The following HTRA3 variants were observed in gnomAD, a reference collection of about 807,000 sequenced individuals.
HTRA3 encodes the protein serine protease HTRA3.
In HTRA3, 41 loss-of-function variants were observed where a neutral mutation model predicts 43.2. The ratio of observed to expected loss-of-function variants is 0.95; its 90% CI spans 0.74 to 1.23. The LOEUF (loss-of-function observed/expected upper bound fraction) is 1.23. Among genes scored for constraint, HTRA3 ranks in the 50% most tolerant of loss-of-function variants. The pLI is 0.00. For missense variants in HTRA3, 628 were observed against 647.1 expected (o/e 0.97, Z 0.32); for synonymous variants, 295 against 287.9 (o/e 1.02, Z -0.25).
intron 3 of HTRA3, among the ~76,000 whole-genome samples, chr4:8,289,072 T>A (rs546827688): frequency 6.6e-6 from 1 of 151,820 alleles, no homozygotes; most frequent in South Asian, 2.1e-4. Flanking sequence ...ACCTTGGCCT[T>A]CCATATAGCT....
At position 8,305,996 on chromosome 4, in the gene HTRA3, A is replaced by G; in HGVS notation, c.1222A>G (p.Ile408Val). 6.2e-7 allele frequency: 1 copy of G among 1,611,668 alleles called. No individual in the cohort carries two copies. The highest frequency in any genetic ancestry group is 1.3e-5 in the African/African-American group (1 of 74,302). Residue 408 changes from isoleucine (I) to valine (V), a missense_variant, in exon 9 of 9, where the codon ATC (isoleucine) becomes GTC (valine). Coordinates refer to ENST00000307358, the MANE Select transcript of HTRA3 (RefSeq NM_053044.5). ...QRGGIQDGDI[I>V]VKVNGRPLVD... Reference sequence around the variant, plus strand: ...AGGCGGCATCCAAGATGGTGACATCATCGTCAAGGTCAACGGGCGTCCTCT... The same window carrying G: ...AGGCGGCATCCAAGATGGTGACATCGTCGTCAAGGTCAACGGGCGTCCTCT...
Position 8,270,103 on chromosome 4 carries a change from C to G in HTRA3, c.135C>G (p.Pro45=), listed in dbSNP as rs779264866. The change falls in exon 1 of 9, where the codon CCC becomes CCG. Residue 45 remains proline (P), a synonymous_variant. Coordinates refer to ENST00000307358, the MANE Select transcript of HTRA3 (RefSeq NM_053044.5). Reference sequence around the variant, plus strand: ...CCCGCTGCCCCGGCGGCTACGTGCCCGACCTCTGCAACTGCTGCCTGGTGT... The same window carrying G: ...CCCGCTGCCCCGGCGGCTACGTGCCGGACCTCTGCAACTGCTGCCTGGTGT... ...PSPRCPGGYV[P]DLCNCCLVCA... The G allele has an allele frequency of 1.9e-6, 3 of 1,540,194 alleles. No individual in the cohort carries two copies. Among genetic ancestry groups the G allele is most frequent in the South Asian group, 2.4e-5 (2 of 85,036 alleles).
At chr4:8,284,730 G>T (rs1213268826) in intron 2 of HTRA3, among the ~76,000 whole-genome samples, 1 of 152,196 alleles carries the variant, frequency 6.6e-6, no homozygotes, top group African/African-American at 2.4e-5. Flanking sequence ...GTGGCCAAGT[G>T]GCCAGATGCC....
chr4:8,293,896 C>T (rs957032074), intron 5 of HTRA3, among the ~76,000 whole-genome samples, 191 bp from the exon 6 acceptor site: 1 of 151,934 alleles, frequency 6.6e-6, no homozygotes, highest in Non-Finnish European at 1.5e-5. Context: ...GGGGGATCTC[C>T]AGGATTTGGA....
intron 6 of HTRA3, 101 bp from the exon 7 acceptor site, chr4:8,302,362 C>T: frequency 9.2e-7 from 1 of 1,083,116 alleles, no homozygotes. Flanking sequence ...CTGCTGCTTC[C>T]TGGTCCTGCA....
chr4:8,289,997 G>A (rs189493030), intron 3 of HTRA3, among the ~76,000 whole-genome samples: 5 of 151,666 alleles, frequency 3.3e-5, no homozygotes, highest in African/African-American at 1.2e-4. Context: ...CAGGGAGGAC[G>A]GGCTGACCCT....
chr4:8,280,051 G>A (rs936289124), intron 1 of HTRA3, among the ~76,000 whole-genome samples: 19 of 152,216 alleles, frequency 1.2e-4, no homozygotes, highest in East Asian at 1.9e-4. Context: ...GATTAGGGCC[G>A]GGCCCAGGAC....
At chr4:8,282,114 G>T (rs28579641) in intron 1 of HTRA3, among the ~76,000 whole-genome samples, 2,976 of 152,278 alleles carry the variant, frequency 0.02, 86 homozygotes, top group African/African-American at 0.068. Flanking sequence ...CCTCACTCCC[G>T]TGTGGCTCAC....
chr4:8,296,576 C>T lies in HTRA3; in HGVS notation c.1051+2375C>T. On this transcript the variant is annotated intron_variant, in intron 6 of 8. Transcript: ENST00000307358. This position sits in a 1 kb window ranked among gnomAD's most constrained non-coding sequence, Gnocchi z 5.3. Reference sequence around the variant, plus strand: ...TCGTCTGGAGGTGGGGTGCAGAGGCCTCTGAGGGGCTTTCAGGGTAAAGAG... The same window carrying T: ...TCGTCTGGAGGTGGGGTGCAGAGGCTTCTGAGGGGCTTTCAGGGTAAAGAG... 4.1e-6 allele frequency: 4 copies of T among 966,386 alleles called. No individual in the cohort carries two copies. Among genetic ancestry groups the T allele is most frequent in the African/African-American group, 1.8e-5 (1 of 56,836 alleles). The allele number at this position is 966,386 out of a possible 1,614,324, so 59.9% of individuals were successfully genotyped here. A position where few individuals can be genotyped will look rare whatever the true frequency, so the allele number is the denominator to read the frequency against.
At chr4:8,281,672 G>A (rs1339496500) in intron 1 of HTRA3, among the ~76,000 whole-genome samples, 5 of 152,228 alleles carry the variant, frequency 3.3e-5, no homozygotes, top group Non-Finnish European at 5.9e-5. Context: ...GCACAGGCCC[G>A]TGCAGGGAAC....
At chr4:8,278,849 G>A (rs1712632087) in intron 1 of HTRA3, among the ~76,000 whole-genome samples, 1 of 152,208 alleles carries the variant, frequency 6.6e-6, no homozygotes, top group Non-Finnish European at 1.5e-5. Context: ...GCTTTTGTGA[G>A]GCTGCTTGGA....
intron 4 of HTRA3, 134 bp downstream of exon 4, chr4:8,291,698 T>G: frequency 1.5e-6 from 1 of 670,454 alleles, no homozygotes. Flanking sequence ...TGCTAGAAAG[T>G]TCTCTCTTTA....
chr4:8,274,462 C>T (rs1202263071), intron 1 of HTRA3, among the ~76,000 whole-genome samples: 4 of 152,252 alleles, frequency 2.6e-5, no homozygotes, highest in African/African-American at 7.2e-5. Context: ...CTCGAAGCCT[C>T]GCCGGGCAGG....
chr4:8,292,435 G>T, intron 5 of HTRA3, 82 bp downstream of exon 5: 1 of 1,156,088 alleles, frequency 8.6e-7, no homozygotes, highest in Non-Finnish European at 1.3e-6. Flanking sequence ...GGTGGGACAG[G>T]GCCCACAATA....
chr4:8,280,580 C>A (rs7340942), intron 1 of HTRA3, among the ~76,000 whole-genome samples: 6 of 151,996 alleles, frequency 3.9e-5, no homozygotes, highest in African/African-American at 9.7e-5. Context: ...TTGTAGGTGT[C>A]GAGCAGGGCA....
rs1713467763 is a variant in HTRA3, at chr4:8,296,624, A to AGCCCCAGGAGGGCTTGGGGTC, written c.1051+2424_1051+2444dup. ...GAGTGGCCACCATGCATGTTGGGGG[A>AGCCCCAGGAGGGCTTGGGGTC]GCCCCAGGAGGGCTTGGGGTCCAGC... On this transcript the variant is annotated intron_variant, in intron 6 of 8. Coordinates refer to ENST00000307358, the MANE Select transcript of HTRA3 (RefSeq NM_053044.5). The surrounding 1 kb of genome is among the most constrained non-coding windows in gnomAD (Gnocchi z 5.3). The AGCCCCAGGAGGGCTTGGGGTC allele has an allele frequency of 1.3e-6, 1 of 741,602 alleles. No individual in the cohort carries two copies. The highest frequency in any genetic ancestry group is 6.1e-5 in the South Asian group (1 of 16,460). 45.9% of individuals were successfully genotyped at this position (741,602 alleles called of 1,614,324 possible). A position where few individuals can be genotyped will look rare whatever the true frequency, so the allele number is the denominator to read the frequency against.
intron 1 of HTRA3, among the ~76,000 whole-genome samples, chr4:8,272,133 T>A (rs1712306262): frequency 6.6e-6 from 1 of 152,118 alleles, no homozygotes; most frequent in Non-Finnish European, 1.5e-5. Context: ...ACTATGAGAA[T>A]AGGGCTGCAG....
At chr4:8,280,447 C>T (rs7340939) in intron 1 of HTRA3, among the ~76,000 whole-genome samples, 62,954 of 152,040 alleles carry the variant, frequency 0.41, 13,469 homozygotes, top group African/African-American at 0.47. Context: ...TGGTGTCCTT[C>T]CTCTCTACTT....
chr4:8,276,984 C>T (rs1466122052), intron 1 of HTRA3, among the ~76,000 whole-genome samples: 3 of 152,254 alleles, frequency 2.0e-5, no homozygotes, highest in African/African-American at 4.8e-5. Flanking sequence ...CCCAGCCTGA[C>T]GTCCCATGCC....
Sources: gnomAD v4.1 joint callset for allele counts (sites outside exome capture counted in the v4.1 genomes callset) on GRCh38, gnomAD v4.1.1 for gene constraint, Gnocchi (gnomAD v3.1) non-coding constraint, MANE v1.5 for transcripts, NCBI Gene and HGNC (gene_info 2026-07-23, HGNC 2026-07-21) for gene names.